Variants in RIC8B observed in about 807,000 individuals in gnomAD.
The protein encoded by RIC8B is RIC8 guanine nucleotide exchange factor B.
Under a neutral mutation model 57.5 loss-of-function variants are expected in RIC8B, and 16 were observed. That is an observed-to-expected ratio of 0.28 (90% CI 0.19 to 0.42). The LOEUF is 0.42. RIC8B is among the 10% of genes least tolerant of loss of function. The pLI is 1.00. For missense variants in RIC8B, 481 were observed against 677.0 expected (o/e 0.71, Z 3.21); for synonymous variants, 216 against 250.8 (o/e 0.86, Z 1.31).
intron 1 of RIC8B, among the ~76,000 whole-genome samples, chr12:106,779,897 TG>T (rs1463812573): frequency 7.3e-6 from 1 of 137,820 alleles, no homozygotes; most frequent in East Asian, 2.1e-4. Flanking sequence ...TTTGTGTGTG[TG>T]TGTGTGTGTA....
chr12:106,806,485 C>T (rs1465824443), intron 2 of RIC8B, among the ~76,000 whole-genome samples: 1 of 152,090 alleles, frequency 6.6e-6, no homozygotes, highest in Admixed American at 6.6e-5. Context: ...CTTTTAGTCC[C>T]CCTTTTCTCT....
chr12:106,801,952 A>G (rs185089362), intron 2 of RIC8B, among the ~76,000 whole-genome samples: 39 of 152,296 alleles, frequency 2.6e-4, no homozygotes, highest in African/African-American at 8.9e-4. Context: ...GAGGGCAGAA[A>G]TTAAGGACTA....
chr12:106,807,409 C>T (rs2045089891), intron 2 of RIC8B, among the ~76,000 whole-genome samples: 1 of 152,174 alleles, frequency 6.6e-6, no homozygotes, highest in Non-Finnish European at 1.5e-5. Flanking sequence ...CCTTTCAAGT[C>T]GTCAAGTCAT....
intron 4 of RIC8B, among the ~76,000 whole-genome samples, chr12:106,827,727 A>G (rs1158393021): frequency 6.6e-6 from 1 of 152,238 alleles, no homozygotes; most frequent in Non-Finnish European, 1.5e-5. Flanking sequence ...ATCATATCCT[A>G]ACAAGATTTT....
At chr12:106,831,133 A>G (rs2046336457) in intron 4 of RIC8B, among the ~76,000 whole-genome samples, 1 of 151,952 alleles carries the variant, frequency 6.6e-6, no homozygotes, top group Non-Finnish European at 1.5e-5. Context: ...GCTCCACTCC[A>G]TTACCATGTC....
chr12:106,846,714 C>T (rs537957641), intron 6 of RIC8B, among the ~76,000 whole-genome samples: 1 of 97,724 alleles, frequency 1.0e-5, no homozygotes, highest in Non-Finnish European at 2.1e-5. Context: ...TATCTCTAAA[C>T]AGAACAGCCA....
intron 4 of RIC8B, among the ~76,000 whole-genome samples, chr12:106,829,388 A>G (rs972122512): frequency 6.6e-6 from 1 of 152,300 alleles, no homozygotes; most frequent in South Asian, 2.1e-4. Context: ...TGCTGATGAG[A>G]GGAGGGGAGG....
rs114870378 is a variant in RIC8B, at chr12:106,882,389, C to G, written c.1572-3515C>G. On this transcript the variant is annotated intron_variant, in intron 9 of 9. Coordinates refer to ENST00000392837, the MANE Select transcript of RIC8B (RefSeq NM_001330145.2). ...ATCCAGAATTAGAGCACAGGTCCGT[C>G]TGACTCCAAAACCTATATGTGCTTT... Among the ~76,000 whole-genome samples the G allele has an allele frequency of 6.5e-3, 994 of 152,272 alleles. 12 individuals carry two copies. Among genetic ancestry groups the G allele is most frequent in the African/African-American group, 0.023 (963 of 41,544 alleles).
chr12:106,774,847 C>G lies in RIC8B; in HGVS notation c.84+18C>G, dbSNP rs764172306. ...GCGACAAGGTAAAGAGTCCTGGCCC[C>G]GGGCGTGCGGTATCGCACCCCCGGG... On this transcript the variant is annotated intron_variant, in intron 1 of 9. Coordinates refer to ENST00000392837, the MANE Select transcript of RIC8B (RefSeq NM_001330145.2). The G allele has an allele frequency of 5.2e-6, 8 of 1,542,006 alleles. No homozygotes were observed. Among genetic ancestry groups the G allele is most frequent in the African/African-American group, 1.4e-5 (1 of 72,674 alleles).
At chr12:106,840,870 AAGAGCCTATTGCCTGATGT>A (rs1192740284) in intron 4 of RIC8B, among the ~76,000 whole-genome samples, 2 of 152,190 alleles carry the variant, frequency 1.3e-5, no homozygotes, top group East Asian at 3.8e-4. Context: ...CAGTGTATTT[AAGAGCCTATTGCCTGATGT>A]TTAGGGAAAA....
chr12:106,800,167 G>A (rs1336424079), intron 2 of RIC8B, among the ~76,000 whole-genome samples: 1 of 152,038 alleles, frequency 6.6e-6, no homozygotes, highest in African/African-American at 2.4e-5. Flanking sequence ...GTATTAGTTT[G>A]TTCTTACTCT....
chr12:106,801,877 A>C (rs997168982), intron 2 of RIC8B, among the ~76,000 whole-genome samples: 7 of 152,362 alleles, frequency 4.6e-5, no homozygotes, highest in Middle Eastern at 3.4e-3. Context: ...AATTTAATAC[A>C]ACCCTCATCT....
intron 1 of RIC8B, among the ~76,000 whole-genome samples, chr12:106,781,020 G>T (rs916216637): frequency 8.5e-5 from 13 of 152,214 alleles, no homozygotes; most frequent in African/African-American, 3.1e-4. Context: ...GCTTTTTAGA[G>T]CTTATTCATG....
At chr12:106,858,938 T>C (rs1188579819) in intron 7 of RIC8B, among the ~76,000 whole-genome samples, 1 of 152,088 alleles carries the variant, frequency 6.6e-6, no homozygotes, top group Non-Finnish European at 1.5e-5. Context: ...ACTCTGATCA[T>C]ATATACCCAC....
At chr12:106,866,977 G>A (rs1950168008) in intron 8 of RIC8B, among the ~76,000 whole-genome samples, 1 of 152,160 alleles carries the variant, frequency 6.6e-6, no homozygotes, top group Non-Finnish European at 1.5e-5. Flanking sequence ...TATGTTACCT[G>A]TCCAACTCCT....
At chr12:106,872,924 T>C in intron 9 of RIC8B, 1 of 615,806 alleles carries the variant, frequency 1.6e-6, no homozygotes, top group Non-Finnish European at 2.0e-6. Context: ...GACTACACAG[T>C]ATAATCCAGA....
intron 7 of RIC8B, 132 bp downstream of exon 7, chr12:106,851,726 G>A: frequency 1.3e-6 from 1 of 759,264 alleles, no homozygotes; most frequent in Non-Finnish European, 2.0e-6. Flanking sequence ...TAGAGAGGCT[G>A]AGGAGTTAAT....
intron 1 of RIC8B, among the ~76,000 whole-genome samples, chr12:106,782,801 GTGA>G (rs2043826375): frequency 6.6e-6 from 1 of 152,136 alleles, no homozygotes; most frequent in East Asian, 1.9e-4. Context: ...AGAACCACCT[GTGA>G]TGATGATATC....
intron 6 of RIC8B, among the ~76,000 whole-genome samples, chr12:106,849,951 G>T (rs1481406970): frequency 6.6e-6 from 1 of 152,212 alleles, no homozygotes; most frequent in Non-Finnish European, 1.5e-5. Flanking sequence ...TTAGGGCAGG[G>T]GTCCCCAACC....
Sources: allele counts gnomAD v4.1 joint callset (sites outside exome capture counted in the v4.1 genomes callset), GRCh38; gene constraint gnomAD v4.1.1; transcripts MANE v1.5; gene names NCBI Gene and HGNC (gene_info 2026-07-23, HGNC 2026-07-21).